LARS2: variants seen among roughly 807,000 people sequenced by gnomAD.
LARS2 encodes the protein leucyl-tRNA synthetase 2, mitochondrial.
Under a neutral mutation model 116.6 loss-of-function variants are expected in LARS2, and 81 were observed. The ratio of observed to expected loss-of-function variants is 0.69; its 90% CI spans 0.58 to 0.84. The LOEUF is 0.84. Ranked by LOEUF, LARS2 falls within the 40% of genes least tolerant of loss-of-function variation. The pLI, the probability that LARS2 is intolerant of heterozygous loss-of-function variation, is 0.00. For synonymous variants in LARS2, 396 were observed against 407.2 expected (o/e 0.97, Z 0.33); for missense variants, 968 against 1,114.5 (o/e 0.87, Z 1.87).
At position 45,416,266 on chromosome 3, in the gene LARS2, AAAAG is replaced by A. The variant is rs560067161; in HGVS notation, c.364-1211_364-1208del. The stretch of plus-strand genomic sequence containing the variant: ...TGAGACATTGTCTTGGAAAAAAAAA[AAAAG>A]AAAGGGATGAACTTCAGGAAGAAAT... On this transcript the variant is annotated intron_variant, in intron 4 of 21. Coordinates refer to ENST00000645846, the MANE Select transcript of LARS2 (RefSeq NM_015340.4). 1.2e-3 allele frequency among the ~76,000 whole-genome samples: 181 copies of A among 152,092 alleles called. 1 individual carries two copies. The highest frequency in any genetic ancestry group is 3.5e-3 in the African/African-American group (144 of 41,444).
At chr3:45,439,038 A>G (rs1698857148) in intron 6 of LARS2, among the ~76,000 whole-genome samples, 1 of 151,842 alleles carries the variant, frequency 6.6e-6, no homozygotes, top group Admixed American at 6.6e-5. Flanking sequence ...CTGCATAAGG[A>G]CCATTTAGTA....
intron 7 of LARS2, among the ~76,000 whole-genome samples, chr3:45,452,384 ATT>A (rs34625109): frequency 1.7e-4 from 25 of 146,942 alleles, no homozygotes; most frequent in Admixed American, 3.4e-4. Context: ...TTGTTGAGGT[ATT>A]TTTTTTTTTT....
intron 17 of LARS2, 97 bp from the exon 18 acceptor site, chr3:45,517,806 C>A: frequency 1.1e-6 from 1 of 932,876 alleles, no homozygotes; most frequent in Non-Finnish European, 1.6e-6. Flanking sequence ...TGAAGTGTCA[C>A]ATCAATTCAC....
chr3:45,529,776 A>G lies in LARS2; in HGVS notation c.2404+5668A>G, dbSNP rs923845536. 8.5e-5 allele frequency among the ~76,000 whole-genome samples: 13 copies of G among 152,166 alleles called. No individual in the cohort carries two copies. In the East Asian group the frequency reaches 1.2e-3, roughly 14 times the overall value. On this transcript the variant is annotated intron_variant, in intron 20 of 21. Coordinates refer to ENST00000645846, the MANE Select transcript of LARS2 (RefSeq NM_015340.4). ...CCAGATGTTAAATATGGACTTTTCAATCCCTTTGTGATAAACCCATTCTGC... is the reference window on the plus strand; with the variant it reads ...CCAGATGTTAAATATGGACTTTTCAGTCCCTTTGTGATAAACCCATTCTGC...
chr3:45,505,447 A>G lies in LARS2; in HGVS notation c.1760+4868A>G, dbSNP rs1456939763. 6.6e-5 allele frequency among the ~76,000 whole-genome samples: 10 copies of G among 151,888 alleles called. 1 individual carries two copies. ...ATGCTTATAATCCCAGCACTTTGGGAGACCAAGGTGGAAGGATCACTTTAG... is the reference window on the plus strand; with the variant it reads ...ATGCTTATAATCCCAGCACTTTGGGGGACCAAGGTGGAAGGATCACTTTAG... On this transcript the variant is annotated intron_variant, in intron 15 of 21. Coordinates refer to ENST00000645846, the MANE Select transcript of LARS2 (RefSeq NM_015340.4).
At position 45,548,933 on chromosome 3, in the gene LARS2, G is replaced by C. The variant is rs942132147; in HGVS notation, c.*1403G>C. ...GTATTCCATCATCATCGGAAGCATTGGCTGTGTGTCTGACTCCACATGGAA... is the reference window on the plus strand; with the variant it reads ...GTATTCCATCATCATCGGAAGCATTCGCTGTGTGTCTGACTCCACATGGAA... On this transcript the variant is annotated 3_prime_UTR_variant, in exon 22 of 22. Coordinates refer to ENST00000645846, the MANE Select transcript of LARS2 (RefSeq NM_015340.4). 6.6e-6 allele frequency: 1 copy of C among 152,170 alleles called. No homozygotes were observed. The highest frequency in any genetic ancestry group is 1.5e-5 in the Non-Finnish European group (1 of 68,030). The allele number at this position is 152,170 out of a possible 1,614,324, so 9.4% of individuals were successfully genotyped here.
intron 21 of LARS2, among the ~76,000 whole-genome samples, chr3:45,546,626 G>A (rs1362620246): frequency 6.6e-6 from 1 of 152,144 alleles, no homozygotes; most frequent in Non-Finnish European, 1.5e-5. Flanking sequence ...GCTAGTGAAA[G>A]TAATGTGTGT....
chr3:45,541,784 C>G, intron 20 of LARS2, 45 bp from the exon 21 acceptor site: 1 of 1,607,658 alleles, frequency 6.2e-7, no homozygotes, highest in Non-Finnish European at 8.5e-7. Context: ...CATAAGCCTC[C>G]CTGTTCTTAG....
intron 6 of LARS2, among the ~76,000 whole-genome samples, chr3:45,423,568 C>T (rs979559215): frequency 3.9e-5 from 6 of 152,152 alleles, no homozygotes; most frequent in Non-Finnish European, 7.4e-5. Flanking sequence ...TGTGCCTGGC[C>T]GGTTTACTGT....
chr3:45,546,524 C>A (rs1288318864), intron 21 of LARS2, among the ~76,000 whole-genome samples: 1 of 152,202 alleles, frequency 6.6e-6, no homozygotes, highest in African/African-American at 2.4e-5. Context: ...GATTAGGGGA[C>A]ATTTGATAAT....
At chr3:45,504,638 C>T (rs1217107902) in intron 15 of LARS2, among the ~76,000 whole-genome samples, 1 of 151,948 alleles carries the variant, frequency 6.6e-6, no homozygotes, top group African/African-American at 2.4e-5. Context: ...TTCTGCTTTG[C>T]ATTTCTTATG....
intron 5 of LARS2, 131 bp from the exon 6 acceptor site, chr3:45,419,538 G>C (rs1698482520): frequency 4.4e-6 from 3 of 688,340 alleles, no homozygotes; most frequent in Non-Finnish European, 5.0e-6. Context: ...TTTCTGCTAG[G>C]GCAAAGCAAC....
chr3:45,465,515 T>C (rs1282242707), intron 8 of LARS2, among the ~76,000 whole-genome samples: 1 of 152,188 alleles, frequency 6.6e-6, no homozygotes, highest in Non-Finnish European at 1.5e-5. Context: ...GGCTTTTCCC[T>C]GTCACTTCCC....
chr3:45,547,810 C>T lies in LARS2; in HGVS notation c.*280C>T. ...CCACACTGCAGGTAGAGGAGGCCAT[C>T]TGATCCCATGGGAAGCCATCAGAGA... On this transcript the variant is annotated 3_prime_UTR_variant, in exon 22 of 22. Coordinates refer to ENST00000645846, the MANE Select transcript of LARS2 (RefSeq NM_015340.4). 3.1e-6 allele frequency: 1 copy of T among 325,642 alleles called. No individual in the cohort carries two copies. Among genetic ancestry groups the T allele is most frequent in the Non-Finnish European group, 5.6e-6 (1 of 178,408 alleles). 20.2% of individuals were successfully genotyped at this position (325,642 alleles called of 1,614,324 possible).
At chr3:45,477,640 C>T (rs1699638112) in intron 10 of LARS2, among the ~76,000 whole-genome samples, 1 of 152,190 alleles carries the variant, frequency 6.6e-6, no homozygotes. Flanking sequence ...GAAATCCATT[C>T]TAAGTTAGAA....
intron 4 of LARS2, among the ~76,000 whole-genome samples, chr3:45,405,163 A>G (rs1460357593): frequency 6.6e-6 from 1 of 151,456 alleles, no homozygotes; most frequent in East Asian, 1.9e-4. Flanking sequence ...TATGTTGATC[A>G]GGCTGGTCTT....
intron 19 of LARS2, among the ~76,000 whole-genome samples, chr3:45,523,169 G>A (rs545288561): frequency 3.3e-5 from 5 of 152,248 alleles, no homozygotes; most frequent in East Asian, 3.9e-4. Flanking sequence ...TTTCCATTCC[G>A]GAATTTGGGA....
At chr3:45,484,991 A>T (rs1251368099) in intron 10 of LARS2, among the ~76,000 whole-genome samples, 1 of 151,982 alleles carries the variant, frequency 6.6e-6, no homozygotes, top group African/African-American at 2.4e-5. Context: ...TTTCCCAAAG[A>T]TGCTTCCCAG....
chr3:45,413,600 G>T (rs1343108371), intron 4 of LARS2, among the ~76,000 whole-genome samples: 1 of 152,228 alleles, frequency 6.6e-6, no homozygotes, highest in Non-Finnish European at 1.5e-5. Flanking sequence ...ACAAGCCTTG[G>T]TTAGCATTTC....
Sources: gnomAD v4.1 joint callset for allele counts (sites outside exome capture counted in the v4.1 genomes callset) on GRCh38, gnomAD v4.1.1 for gene constraint, MANE v1.5 for transcripts, NCBI Gene and HGNC (gene_info 2026-07-23, HGNC 2026-07-21) for gene names.